Variants in ARHGAP24 observed in about 807,000 individuals in gnomAD.
The protein encoded by ARHGAP24 is Rho GTPase activating protein 24, also known as rho GTPase-activating protein 24.
Under a neutral mutation model 76.4 loss-of-function variants are expected in ARHGAP24, and 50 were observed. The ratio of observed to expected loss-of-function variants is 0.65; its 90% CI spans 0.52 to 0.83. The LOEUF (loss-of-function observed/expected upper bound fraction) is 0.83. Ranked by LOEUF, ARHGAP24 falls within the 40% of genes least tolerant of loss-of-function variation. The probability of loss-of-function intolerance (pLI) is 0.00; values close to 1 mark genes in which losing one functional copy is unlikely to be tolerated. For synonymous variants in ARHGAP24, 345 were observed against 323.3 expected (o/e 1.07, Z -0.72); for missense variants, 930 against 914.2 (o/e 1.02, Z -0.22).
At chr4:85,543,411 A>G (rs1205444542) in intron 1 of ARHGAP24, among the ~76,000 whole-genome samples, 3 of 152,210 alleles carry the variant, frequency 2.0e-5, no homozygotes, top group Non-Finnish European at 4.4e-5. Flanking sequence ...GCTGGTTAGC[A>G]TGGAGGGAAT....
chr4:85,654,371 C>T lies in ARHGAP24; in HGVS notation c.181-67514C>T, dbSNP rs529473321. 4.6e-5 allele frequency among the ~76,000 whole-genome samples: 7 copies of T among 152,272 alleles called. No homozygotes were observed. In the East Asian group the frequency reaches 1.4e-3, roughly 29 times the overall value. ...AATACCTCCTTAAAGGTTCTATCTC[C>T]AAATATAGTCACATTGGGAGTTAAG... On this transcript the variant is annotated intron_variant, in intron 2 of 9. Coordinates refer to ENST00000395184, the MANE Select transcript of ARHGAP24 (RefSeq NM_001025616.3).
chr4:85,876,722 T>G (rs1732958427), intron 3 of ARHGAP24, among the ~76,000 whole-genome samples: 1 of 152,226 alleles, frequency 6.6e-6, no homozygotes, highest in Non-Finnish European at 1.5e-5. Flanking sequence ...GCCTCTCTGA[T>G]GGGCACATAA....
At chr4:85,485,473 A>G (rs13142356) in intron 1 of ARHGAP24, among the ~76,000 whole-genome samples, 135,600 of 138,342 alleles carry the variant, frequency 0.98, 66,519 homozygotes, top group East Asian at 1. Flanking sequence ...TGTATGTTTC[A>G]AAAGGTCCTC....
chr4:85,924,958 C>T (rs917863327), intron 4 of ARHGAP24, among the ~76,000 whole-genome samples: 2 of 152,172 alleles, frequency 1.3e-5, no homozygotes, highest in Non-Finnish European at 2.9e-5. Context: ...TTCATTCCCA[C>T]GGTGTTCTAG....
At chr4:85,895,348 C>T (rs1734115952) in intron 3 of ARHGAP24, among the ~76,000 whole-genome samples, 1 of 152,022 alleles carries the variant, frequency 6.6e-6, no homozygotes, top group African/African-American at 2.4e-5. Context: ...AGAACTGGCT[C>T]AGTCTATGGA....
chr4:85,523,215 C>T (rs1038957435), intron 1 of ARHGAP24, among the ~76,000 whole-genome samples: 5 of 152,142 alleles, frequency 3.3e-5, no homozygotes, highest in Admixed American at 6.6e-5. Flanking sequence ...TAGCACTTTC[C>T]CTTGTGTCAC....
intron 3 of ARHGAP24, among the ~76,000 whole-genome samples, chr4:85,895,026 A>T: frequency 7.4e-6 from 1 of 134,814 alleles, no homozygotes. Context: ...AAAAAAGAAA[A>T]GAAAAGCAGG....
chr4:85,684,835 G>A (rs1723360543), intron 2 of ARHGAP24, among the ~76,000 whole-genome samples: 1 of 152,162 alleles, frequency 6.6e-6, no homozygotes, highest in Non-Finnish European at 1.5e-5. Context: ...CAGAGAGTCT[G>A]AGAGTCATGT....
chr4:85,989,570 A>C (rs186848571), intron 8 of ARHGAP24, among the ~76,000 whole-genome samples: 9 of 151,828 alleles, frequency 5.9e-5, no homozygotes, highest in African/African-American at 1.7e-4. Flanking sequence ...CAAAACAGAT[A>C]AAGACATTAT....
chr4:85,987,752 A>G (rs967839297), intron 8 of ARHGAP24, among the ~76,000 whole-genome samples: 1 of 151,990 alleles, frequency 6.6e-6, no homozygotes, highest in Non-Finnish European at 1.5e-5. Flanking sequence ...TTGTCTTCAT[A>G]AGAGAAACTA....
At chr4:85,708,162 G>C (rs552780157) in intron 2 of ARHGAP24, among the ~76,000 whole-genome samples, 5 of 152,172 alleles carry the variant, frequency 3.3e-5, no homozygotes, top group African/African-American at 1.2e-4. Flanking sequence ...GTTACTGTGA[G>C]TAATATATGT....
chr4:85,582,008 G>A (rs2109972755), intron 2 of ARHGAP24, among the ~76,000 whole-genome samples: 1 of 152,122 alleles, frequency 6.6e-6, no homozygotes, highest in Non-Finnish European at 1.5e-5. Context: ...TAGAAGTTTT[G>A]TGTAGCCCCA....
chr4:85,622,297 C>G (rs1373338628), intron 2 of ARHGAP24, among the ~76,000 whole-genome samples: 1 of 119,032 alleles, frequency 8.4e-6, no homozygotes, highest in Non-Finnish European at 1.6e-5. Flanking sequence ...CTTCCTGTGT[C>G]CATGTGTTCT....
At chr4:85,806,375 A>G (rs984078748) in intron 3 of ARHGAP24, among the ~76,000 whole-genome samples, 4 of 152,236 alleles carry the variant, frequency 2.6e-5, no homozygotes, top group Non-Finnish European at 4.4e-5. Flanking sequence ...CTTAGTTAGT[A>G]TAATTAATTG....
At chr4:85,628,471 G>A (rs1183392595) in intron 2 of ARHGAP24, among the ~76,000 whole-genome samples, 2 of 152,134 alleles carry the variant, frequency 1.3e-5, no homozygotes, top group Admixed American at 6.5e-5. Flanking sequence ...GAAGGAATAC[G>A]GCTACTGTTG....
chr4:85,577,770 G>A (rs1031260891), intron 2 of ARHGAP24, among the ~76,000 whole-genome samples: 1 of 152,170 alleles, frequency 6.6e-6, no homozygotes, highest in African/African-American at 2.4e-5. Flanking sequence ...GGTTCAGGGA[G>A]AGCTTCTCAA....
chr4:85,785,051 A>G lies in ARHGAP24; in HGVS notation c.268+63079A>G, dbSNP rs77250391. ...CCCCCCAACTTTTCAATGAGTCCTT[A>G]GCAGATGGACAGAAGCAGAGGCTGT... On this transcript the variant is annotated intron_variant, in intron 3 of 9. Transcript: ENST00000395184. Among the ~76,000 whole-genome samples, 962 of 152,194 alleles carry G rather than the reference A, an allele frequency of 6.3e-3. 6 individuals are homozygous for G. The highest frequency in any genetic ancestry group is 0.021 in the African/African-American group (877 of 41,538).
In ARHGAP24 at chr4:85,579,439, T is replaced by C. The variant is rs1406245078; in HGVS notation, c.180+8718T>C. 3.9e-5 allele frequency among the ~76,000 whole-genome samples: 6 copies of C among 152,076 alleles called. No homozygotes were observed. The East Asian group carries it at 1.2e-3, about 29-fold the overall frequency. On this transcript the variant is annotated intron_variant, in intron 2 of 9. Transcript: ENST00000395184. ...CAATGTGTTTTAAAAGCCTATTTTTTTGCCCTTGATATATTAAATATTTCA... is the reference window on the plus strand; with the variant it reads ...CAATGTGTTTTAAAAGCCTATTTTTCTGCCCTTGATATATTAAATATTTCA...
intron 3 of ARHGAP24, among the ~76,000 whole-genome samples, chr4:85,919,513 A>G (rs577514986): frequency 6.6e-6 from 1 of 152,236 alleles, no homozygotes; most frequent in South Asian, 2.1e-4. Flanking sequence ...TTTCTCAATC[A>G]TGCCCCACCC....
Sources: gnomAD v4.1 joint callset for allele counts (sites outside exome capture counted in the v4.1 genomes callset) on GRCh38, gnomAD v4.1.1 for gene constraint, MANE v1.5 for transcripts, NCBI Gene and HGNC (gene_info 2026-07-23, HGNC 2026-07-21) for gene names.